CRHR2: variants seen among roughly 807,000 people sequenced by gnomAD.
CRHR2 encodes corticotropin releasing hormone receptor 2, also known as corticotropin-releasing hormone receptor 2.
In CRHR2, 53 loss-of-function variants were observed where a neutral mutation model predicts 57.9. The observed-to-expected ratio is 0.92, with a 90% CI of 0.73 to 1.15. CRHR2 has a LOEUF of 1.15. Ranked by LOEUF, CRHR2 falls within the 50% of genes most tolerant of loss-of-function variation. CRHR2 has a pLI of 0.00. For missense variants in CRHR2, 532 were observed against 542.6 expected, an observed-to-expected ratio of 0.98 and a Z score of 0.19; for synonymous variants, 213 against 220.9, an observed-to-expected ratio of 0.96 and a Z score of 0.32.
In CRHR2 at chr7:30,662,212, G is replaced by T; in HGVS notation, c.702C>A (p.Ile234=). Reference sequence around the variant, plus strand: ...CCCAGGCGACGATGATGGGGAAGGGGATGCCTGAAAGAAGGAAAGACTTGG... The same window carrying T: ...CCCAGGCGACGATGATGGGGAAGGGTATGCCTGAAAGAAGGAAAGACTTGG... ...KCLFLFIGWC[I]PFPIIVAWAI... Residue 234 remains isoleucine, a synonymous_variant, in exon 7 of 12, where the codon ATC becomes ATA. Transcript: ENST00000471646. 8 of 1,614,152 alleles carry T rather than the reference G, an allele frequency of 5.0e-6. No homozygotes were observed. The highest frequency in any genetic ancestry group is 6.8e-6 in the Non-Finnish European group (8 of 1,180,012).
rs560418604 is a variant in CRHR2, at chr7:30,682,063, T to C, written c.104-23A>G. 19 of 1,566,820 alleles carry C rather than the reference T, an allele frequency of 1.2e-5. No individual in the cohort carries two copies. The African/African-American group carries it at 2.2e-4, about 18-fold the overall frequency. ...GACCTGGCGGCGGGAGAGAGCGCAGTAGGGCTCAGAGGGGCCCGCAGGGAC... is the reference window on the plus strand; with the variant it reads ...GACCTGGCGGCGGGAGAGAGCGCAGCAGGGCTCAGAGGGGCCCGCAGGGAC... On this transcript the variant is annotated intron_variant, in intron 1 of 11. Coordinates refer to ENST00000471646, the MANE Select transcript of CRHR2 (RefSeq NM_001883.5).
exon 1 of CRHR2, chr7:30,699,999 T>G (rs376512032): frequency 6.9e-7 from 1 of 1,456,102 alleles, no homozygotes; most frequent in Non-Finnish European, 9.0e-7. Context: ...GTGTGGGACG[T>G]AGAGGAGGCC....
chr7:30,674,510 G>A (rs181891338), intron 2 of CRHR2, among the ~76,000 whole-genome samples: 1 of 152,340 alleles, frequency 6.6e-6, no homozygotes, highest in Non-Finnish European at 1.5e-5. Context: ...GGTCTGAAGA[G>A]GGGAGACCAC....
chr7:30,690,156 C>G (rs1379967936), intron 1 of CRHR2, among the ~76,000 whole-genome samples: 1 of 152,126 alleles, frequency 6.6e-6, no homozygotes, highest in Non-Finnish European at 1.5e-5. Flanking sequence ...ATAGGATGTA[C>G]AGTTTTACGG....
chr7:30,696,062 C>A (rs975764436), intron 1 of CRHR2, among the ~76,000 whole-genome samples: 1 of 152,092 alleles, frequency 6.6e-6, no homozygotes. Flanking sequence ...AGACAAACAT[C>A]GCATGTTATC....
In CRHR2 at chr7:30,672,083, C is replaced by G. The variant is rs561000411; in HGVS notation, c.230-4770G>C. Among the ~76,000 whole-genome samples, 2 of 152,354 alleles carry G rather than the reference C, an allele frequency of 1.3e-5. 1 individual carries two copies. The highest frequency in any genetic ancestry group is 1.3e-4 in the Admixed American group (2 of 15,304). On this transcript the variant is annotated intron_variant, in intron 2 of 11. Transcript: ENST00000471646. Reference sequence around the variant, plus strand: ...TGCCTATCTCTAAGGTTGGGGACCTCGGAGAGCTCCTAAGAACCAGCCTTC... The same window carrying G: ...TGCCTATCTCTAAGGTTGGGGACCTGGGAGAGCTCCTAAGAACCAGCCTTC...
At chr7:30,692,212 G>A (rs1410826665) in intron 1 of CRHR2, among the ~76,000 whole-genome samples, 2 of 152,198 alleles carry the variant, frequency 1.3e-5, no homozygotes, top group Non-Finnish European at 2.9e-5. Flanking sequence ...TTTAGGAGGG[G>A]GCTAGTTAGA....
At chr7:30,685,717 A>G (rs930950412), upstream of CRHR2, among the ~76,000 whole-genome samples, 1 of 152,178 alleles carries the variant, frequency 6.6e-6, no homozygotes, top group Non-Finnish European at 1.5e-5. Context: ...TGTTTTACAG[A>G]TGGACAATAG....
chr7:30,662,409 C>G (rs1052793937), intron 6 of CRHR2, among the ~76,000 whole-genome samples, 193 bp from the exon 7 acceptor site: 2 of 152,132 alleles, frequency 1.3e-5, no homozygotes, highest in Non-Finnish European at 2.9e-5. Flanking sequence ...AGCAGGGCTG[C>G]GTGATTTTGT....
Position 30,656,049 on chromosome 7 carries a change from AAGGAGCACGTGTTTGAGATGAGCCGAG to A in CRHR2, c.832-64_832-38del. 1 of 1,596,682 alleles carries A rather than the reference AAGGAGCACGTGTTTGAGATGAGCCGAG, an allele frequency of 6.3e-7. No homozygotes were observed. Among genetic ancestry groups the A allele is most frequent in the Non-Finnish European group, 8.6e-7 (1 of 1,164,524 alleles). On this transcript the variant is annotated intron_variant, in intron 8 of 11. Transcript: ENST00000471646. The surrounding 1 kb of genome is among the most constrained non-coding windows in gnomAD (Gnocchi z 4.4). ...GCGGGCATGGGAAAGAGGGAAAAGG[AAGGAGCACGTGTTTGAGATGAGCCGAG>A]AGGCAGCCCCCTTCCCCGCAGACCC...
chr7:30,662,977 G>T (rs758080026), intron 5 of CRHR2, 130 bp from the exon 6 acceptor site: 9 of 1,074,652 alleles, frequency 8.4e-6, no homozygotes, highest in Middle Eastern at 2.7e-4. Context: ...AAATACCAGC[G>T]AACCTCACTC....
chr7:30,690,099 T>G (rs1188377296), intron 1 of CRHR2, among the ~76,000 whole-genome samples: 3 of 152,174 alleles, frequency 2.0e-5, no homozygotes, highest in Admixed American at 2.0e-4. Context: ...AAAGTAGATG[T>G]GGGCATGTGC....
intron 8 of CRHR2, among the ~76,000 whole-genome samples, chr7:30,657,409 T>G (rs900093203): frequency 5.9e-5 from 9 of 152,284 alleles, no homozygotes; most frequent in African/African-American, 2.2e-4. Context: ...TGCCATGACC[T>G]GATACCCCCA....
chr7:30,680,357 G>T (rs1241885735), intron 2 of CRHR2, among the ~76,000 whole-genome samples: 2 of 152,294 alleles, frequency 1.3e-5, no homozygotes, highest in African/African-American at 2.4e-5. Flanking sequence ...GGAAGGGGGG[G>T]CCCCCAGGCT....
intron 2 of CRHR2, among the ~76,000 whole-genome samples, chr7:30,688,394 G>C (rs1035294105): frequency 6.6e-6 from 1 of 152,172 alleles, no homozygotes; most frequent in African/African-American, 2.4e-5. Flanking sequence ...TGAGTTTCCA[G>C]GGGCTGGGCG....
At chr7:30,695,820 C>G (rs1317769921) in intron 1 of CRHR2, among the ~76,000 whole-genome samples, 1 of 152,150 alleles carries the variant, frequency 6.6e-6, no homozygotes, top group African/African-American at 2.4e-5. Context: ...GAATCCTGGT[C>G]CTGCCACATA....
Position 30,665,655 on chromosome 7 carries a change from T to C in CRHR2, c.316-16A>G, listed in dbSNP as rs1784163931. The C allele has an allele frequency of 1.3e-6, 2 of 1,551,286 alleles. No individual in the cohort carries two copies. The highest frequency in any genetic ancestry group is 1.7e-6 in the Non-Finnish European group (2 of 1,146,242). On this transcript the variant is annotated splice_polypyrimidine_tract_variant and intron_variant, in intron 3 of 11. Coordinates refer to ENST00000471646, the MANE Select transcript of CRHR2 (RefSeq NM_001883.5). The surrounding 1 kb of genome is among the most constrained non-coding windows in gnomAD (Gnocchi z 4.5). ...ACTTCCTCTGCTGGACAGACAGACATGGGCAGGGCAGATGGAGGCATGGGC... is the reference window on the plus strand; with the variant it reads ...ACTTCCTCTGCTGGACAGACAGACACGGGCAGGGCAGATGGAGGCATGGGC...
intron 2 of CRHR2, among the ~76,000 whole-genome samples, chr7:30,680,511 C>T (rs1007951411): frequency 1.3e-5 from 2 of 152,304 alleles, no homozygotes; most frequent in African/African-American, 4.8e-5. Context: ...CTGAATCAGG[C>T]ATGCTGATCT....
At position 30,656,881 on chromosome 7, in the gene CRHR2, C is replaced by T. The variant is rs955336280; in HGVS notation, c.832-869G>A. On this transcript the variant is annotated intron_variant, in intron 8 of 11. Transcript: ENST00000471646. This position sits in a 1 kb window ranked among gnomAD's most constrained non-coding sequence, Gnocchi z 4.4. ...GTGCAAGTGTGTTTGCCTCACAGAGCGTGTGCATGTGTGAGCATGGATCTG... is the reference window on the plus strand; with the variant it reads ...GTGCAAGTGTGTTTGCCTCACAGAGTGTGTGCATGTGTGAGCATGGATCTG... 3.9e-5 allele frequency among the ~76,000 whole-genome samples: 6 copies of T among 152,168 alleles called. No individual in the cohort carries two copies. The highest frequency in any genetic ancestry group is 7.2e-5 in the African/African-American group (3 of 41,424).
Sources: allele counts gnomAD v4.1 joint callset (sites outside exome capture counted in the v4.1 genomes callset), GRCh38; gene constraint gnomAD v4.1.1; non-coding constraint Gnocchi (gnomAD v3.1); transcripts MANE v1.5; gene names NCBI Gene and HGNC (gene_info 2026-07-23, HGNC 2026-07-21).